ADGRA3: variants seen among roughly 807,000 people sequenced by gnomAD.
ADGRA3 encodes G-protein coupled receptor 125.
Under a neutral mutation model 119.8 loss-of-function variants are expected in ADGRA3, and 56 were observed. The observed-to-expected ratio is 0.47, with a 90% CI of 0.38 to 0.58. The LOEUF (loss-of-function observed/expected upper bound fraction) is 0.58. Ranked by LOEUF, ADGRA3 falls within the 20% of genes least tolerant of loss-of-function variation. ADGRA3 has a pLI of 0.00. For synonymous variants in ADGRA3, 607 were observed against 623.8 expected (o/e 0.97, Z 0.40); for missense variants, 1,516 against 1,649.0 (o/e 0.92, Z 1.40).
intron 7 of ADGRA3, among the ~76,000 whole-genome samples, chr4:22,440,414 A>C (rs1716566121): frequency 6.6e-6 from 1 of 152,178 alleles, no homozygotes; most frequent in Admixed American, 6.5e-5. Context: ...GAGATCAATG[A>C]AAAATCAATA....
Position 22,406,726 on chromosome 4 carries a change from C to T in ADGRA3, c.2233-3927G>A, listed in dbSNP as rs568120768. The stretch of plus-strand genomic sequence containing the variant: ...CACAAGAGCATTTTTGACCTGCCCA[C>T]ACGCAAAGAGGTCTCCTGCCGAAAA... On this transcript the variant is annotated intron_variant, in intron 14 of 18. Coordinates refer to ENST00000334304, the MANE Select transcript of ADGRA3 (RefSeq NM_145290.4). Among the ~76,000 whole-genome samples, 300 of 152,164 alleles carry T rather than the reference C, an allele frequency of 2.0e-3. 1 individual carries two copies. Among genetic ancestry groups the T allele is most frequent in the African/African-American group, 7.1e-3 (294 of 41,518 alleles).
At chr4:22,443,259 G>A (rs777700151) in intron 6 of ADGRA3, 50 of 485,332 alleles carry the variant, frequency 1.0e-4, no homozygotes, top group Non-Finnish European at 1.8e-4. Flanking sequence ...GTTTTTGGCT[G>A]TAAAACTAAT....
chr4:22,465,509 G>C (rs1055243501), intron 2 of ADGRA3, among the ~76,000 whole-genome samples: 1 of 152,178 alleles, frequency 6.6e-6, no homozygotes, highest in Non-Finnish European at 1.5e-5. Context: ...TGGGAAACGA[G>C]AAAAATGGTG....
chr4:22,387,701 A>C lies in ADGRA3; in HGVS notation c.*4T>G. The C allele has an allele frequency of 6.3e-7, 1 of 1,586,462 alleles. No individual in the cohort carries two copies. Among genetic ancestry groups the C allele is most frequent in the South Asian group, 1.1e-5 (1 of 87,752 alleles). ...TGAATTTCTGCCTAGGAAGCCCAGC[A>C]ATGTTACACAGTAGTTTCGTGTTTC... On this transcript the variant is annotated 3_prime_UTR_variant, in exon 19 of 19. Transcript: ENST00000334304.
In ADGRA3 at chr4:22,510,606, C is replaced by T. The variant is rs9995752; in HGVS notation, c.257+4922G>A. On this transcript the variant is annotated intron_variant, in intron 1 of 18. Transcript: ENST00000334304. ...CCACATACGGGCCGGGCCGATGGTT[C>T]CAAAAGCTCTCTCCACTATTCGTCC... Among the ~76,000 whole-genome samples, 1,298 of 152,198 alleles carry T rather than the reference C, an allele frequency of 8.5e-3. 17 individuals carry two copies. Among genetic ancestry groups the T allele is most frequent in the African/African-American group, 0.03 (1,250 of 41,500 alleles).
chr4:22,392,520 T>C (rs747558946), intron 17 of ADGRA3, 25 bp downstream of exon 17: 3 of 1,608,158 alleles, frequency 1.9e-6, no homozygotes, highest in Non-Finnish European at 2.5e-6. Flanking sequence ...AACAAAACAA[T>C]TAATACAACA....
intron 14 of ADGRA3, among the ~76,000 whole-genome samples, chr4:22,406,907 TA>T (rs370174872): frequency 3.9e-4 from 58 of 149,338 alleles, no homozygotes; most frequent in Admixed American, 1.3e-3. Context: ...TTTCCCACCT[TA>T]AAAAAAAAAT....
rs762913158 is a variant in ADGRA3, at chr4:22,388,623, A to T, written c.3048T>A (p.Ala1016=). 1.2e-6 allele frequency: 2 copies of T among 1,614,014 alleles called. No homozygotes were observed. Among genetic ancestry groups the T allele is most frequent in the African/African-American group, 2.7e-5 (2 of 74,928 alleles). Reference sequence around the variant, plus strand: ...AGTCCAAAGGGTAATACAAAGAAACAGCCAAAGCCCCAAACATCCACAGTG... The same window carrying T: ...AGTCCAAAGGGTAATACAAAGAAACTGCCAAAGCCCCAAACATCCACAGTG... The part of the protein sequence containing the change: ...YVALWMFGAL[A]VSLYYPLDLV... Residue 1016 remains alanine (A), a synonymous_variant, in exon 19 of 19, where the codon GCT becomes GCA. Transcript: ENST00000334304.
At chr4:22,404,244 A>G (rs1168287290) in intron 14 of ADGRA3, among the ~76,000 whole-genome samples, 1 of 150,138 alleles carries the variant, frequency 6.7e-6, no homozygotes, top group Non-Finnish European at 1.5e-5. Flanking sequence ...AAGAAAAGCT[A>G]GATTAAAAAA....
At chr4:22,416,690 G>A (rs1715442951) in intron 12 of ADGRA3, among the ~76,000 whole-genome samples, 1 of 152,104 alleles carries the variant, frequency 6.6e-6, no homozygotes, top group African/African-American at 2.4e-5. Context: ...GAATAATCTA[G>A]AACGTCATCA....
intron 11 of ADGRA3, among the ~76,000 whole-genome samples, chr4:22,422,233 T>C (rs1715734142): frequency 6.6e-6 from 1 of 152,176 alleles, no homozygotes. Flanking sequence ...CCATTCTACG[T>C]ATCACATATG....
At chr4:22,409,911 G>A (rs965676629) in intron 14 of ADGRA3, among the ~76,000 whole-genome samples, 1 of 152,126 alleles carries the variant, frequency 6.6e-6, no homozygotes, top group African/African-American at 2.4e-5. Flanking sequence ...AGGACTTCCA[G>A]CTTTCACTGT....
chr4:22,409,276 C>T lies in ADGRA3; in HGVS notation c.2232+3906G>A, dbSNP rs79128805. Among the ~76,000 whole-genome samples, 600 of 152,254 alleles carry T rather than the reference C, an allele frequency of 3.9e-3. 3 individuals carry two copies. Among genetic ancestry groups the T allele is most frequent in the African/African-American group, 0.013 (551 of 41,558 alleles). ...CTTTGGAGAATTTGTCTCACAGATGCTCAATTAAATGTGCAAAATGACACT... is the reference window on the plus strand; with the variant it reads ...CTTTGGAGAATTTGTCTCACAGATGTTCAATTAAATGTGCAAAATGACACT... On this transcript the variant is annotated intron_variant, in intron 14 of 18. Transcript: ENST00000334304.
At chr4:22,430,550 A>C (rs920247298) in intron 10 of ADGRA3, among the ~76,000 whole-genome samples, 4 of 152,204 alleles carry the variant, frequency 2.6e-5, no homozygotes, top group African/African-American at 9.7e-5. Flanking sequence ...GAAATTTCTA[A>C]GCAGCAAAGC....
At chr4:22,495,946 A>C (rs1446018517) in intron 1 of ADGRA3, among the ~76,000 whole-genome samples, 1 of 152,208 alleles carries the variant, frequency 6.6e-6, no homozygotes, top group Non-Finnish European at 1.5e-5. Flanking sequence ...ACATGAAAAA[A>C]TAATGATACA....
At chr4:22,424,030 T>TAAAATGTTATAACTTAC (rs1715825169) in intron 11 of ADGRA3, among the ~76,000 whole-genome samples, 161 bp downstream of exon 11, 1 of 152,208 alleles carries the variant, frequency 6.6e-6, no homozygotes, top group Non-Finnish European at 1.5e-5. Context: ...TAATAACTTA[T>TAAAATGTTATAACTTAC]AAAATGTTAT....
chr4:22,388,875 G>A lies in ADGRA3; in HGVS notation c.2796C>T (p.Cys932=). The change falls in exon 19 of 19, where the codon TGC becomes TGT. Residue 932 remains cysteine (C), a synonymous_variant. Coordinates refer to ENST00000334304, the MANE Select transcript of ADGRA3 (RefSeq NM_145290.4). ...GAATAAATATGCTCAGAAAGTACAT[G>A]CAGTTTACAAAAGTGATGAAGCTGG... ...GPASFITFVN[C]MYFLSIFIQL... is the part of the protein sequence containing the mutation. 6.2e-7 allele frequency: 1 copy of A among 1,614,072 alleles called. No homozygotes were observed. The highest frequency in any genetic ancestry group is 8.5e-7 in the Non-Finnish European group (1 of 1,179,978).
intron 14 of ADGRA3, among the ~76,000 whole-genome samples, chr4:22,411,185 A>C (rs1374281459): frequency 6.6e-6 from 1 of 152,250 alleles, no homozygotes; most frequent in East Asian, 1.9e-4. Context: ...TTAACTTATA[A>C]ATTTCTGACA....
At chr4:22,497,843 G>A (rs1278432556) in intron 1 of ADGRA3, among the ~76,000 whole-genome samples, 3 of 151,142 alleles carry the variant, frequency 2.0e-5, no homozygotes, top group African/African-American at 7.3e-5. Context: ...GCTTTGGGAG[G>A]CTGAGGTGGG....
Sources: allele counts gnomAD v4.1 joint callset (sites outside exome capture counted in the v4.1 genomes callset), GRCh38; gene constraint gnomAD v4.1.1; transcripts MANE v1.5; gene names NCBI Gene and HGNC (gene_info 2026-07-23, HGNC 2026-07-21).